The following STX2 variants were observed in gnomAD, a reference collection of about 807,000 sequenced individuals.
STX2 encodes syntaxin-2.
STX2 carries 27 observed loss-of-function variants against 40.6 expected under a neutral mutation model. The ratio of observed to expected loss-of-function variants is 0.66; its 90% CI spans 0.49 to 0.92. The LOEUF (loss-of-function observed/expected upper bound fraction) is 0.92, where lower values mean the gene tolerates loss of function less well. Among genes scored for constraint, STX2 ranks in the 40% least tolerant of loss-of-function variants. The probability of loss-of-function intolerance (pLI) is 0.00; values close to 1 mark genes in which losing one functional copy is unlikely to be tolerated. For missense variants in STX2, 328 were observed against 366.1 expected, an observed-to-expected ratio of 0.90 and a Z score of 0.85; for synonymous variants, 123 against 119.1, an observed-to-expected ratio of 1.03 and a Z score of -0.22.
At chr12:130,801,119 A>G in intron 8 of STX2, 34 bp downstream of exon 8, 2 of 1,578,492 alleles carry the variant, frequency 1.3e-6, no homozygotes, top group Non-Finnish European at 1.7e-6. Context: ...CATGACTGAT[A>G]TCTCTCTTGG....
intron 2 of STX2, among the ~76,000 whole-genome samples, chr12:130,822,581 CAT>C (rs1565929353): frequency 1.3e-5 from 2 of 152,192 alleles, no homozygotes; most frequent in East Asian, 3.9e-4. Flanking sequence ...TAGATGGAGT[CAT>C]AACATTATCT....
chr12:130,818,618 G>A (rs1331433932), intron 3 of STX2, among the ~76,000 whole-genome samples: 2 of 151,844 alleles, frequency 1.3e-5, no homozygotes, highest in African/African-American at 4.8e-5. Context: ...GATTTCCCGC[G>A]GAAAAGCACA....
In STX2 at chr12:130,801,024, C is replaced by A. The variant is rs944705911; in HGVS notation, c.675+129G>T. 37 of 1,037,824 alleles carry A rather than the reference C, an allele frequency of 3.6e-5. No individual in the cohort carries two copies. The African/African-American group carries it at 5.1e-4, about 14-fold the overall frequency. The allele number at this position is 1,037,824 out of a possible 1,614,324, so 64.3% of individuals were successfully genotyped here. A position where few individuals can be genotyped will look rare whatever the true frequency, so the allele number is the denominator to read the frequency against. On this transcript the variant is annotated intron_variant, in intron 8 of 10. Coordinates refer to ENST00000392373, the MANE Select transcript of STX2 (RefSeq NM_194356.4). ...CATTTCAGCATCACATATAACACTG[C>A]AATTAACCTGAATTTGGTGGATCCA...
rs534337417 is a variant in STX2, at chr12:130,799,757, T to C, written c.676-1122A>G. 1.5e-3 allele frequency among the ~76,000 whole-genome samples: 229 copies of C among 149,404 alleles called. 1 individual carries two copies. The highest frequency in any genetic ancestry group is 2.6e-3 in the Non-Finnish European group (176 of 67,780). On this transcript the variant is annotated intron_variant, in intron 8 of 10. Coordinates refer to ENST00000392373, the MANE Select transcript of STX2 (RefSeq NM_194356.4). ...TGAGCCCAGGAGGCAGAGGTTGCAG[T>C]GAGCCAAGATTGTACCACTGCACTC... is the stretch of plus-strand genomic sequence containing the variant.
chr12:130,809,848 T>C (rs1443612057), intron 4 of STX2, among the ~76,000 whole-genome samples: 1 of 152,012 alleles, frequency 6.6e-6, no homozygotes, highest in Non-Finnish European at 1.5e-5. Context: ...GAAAAACTAT[T>C]CAAAGCAACT....
intron 1 of STX2, among the ~76,000 whole-genome samples, chr12:130,831,529 G>A (rs77377351): frequency 0.024 from 3,607 of 152,156 alleles, 151 homozygotes; most frequent in African/African-American, 0.081. Flanking sequence ...TTAGCCAGGC[G>A]TGGTGGCTCA....
intron 3 of STX2, among the ~76,000 whole-genome samples, chr12:130,815,539 A>G (rs1951826840): frequency 6.6e-6 from 1 of 152,220 alleles, no homozygotes. Flanking sequence ...CTTACAAATA[A>G]GCCCTGTTTT....
intron 1 of STX2, among the ~76,000 whole-genome samples, chr12:130,827,874 C>T (rs867850867): frequency 6.6e-6 from 1 of 152,114 alleles, no homozygotes; most frequent in Middle Eastern, 3.2e-3. Context: ...GTGGTCCCAG[C>T]TACTTAGGAG....
In STX2 at chr12:130,791,078, A is replaced by C. The variant is rs1351493899; in HGVS notation, c.*945T>G. On this transcript the variant is annotated 3_prime_UTR_variant, in exon 11 of 11. Coordinates refer to ENST00000392373, the MANE Select transcript of STX2 (RefSeq NM_194356.4). ...ACATTAAGATGCTAATAAATTAAAC[A>C]ATTTATAAACATTTAAAATTATAGA... 4.6e-5 allele frequency: 7 copies of C among 152,286 alleles called. No individual in the cohort carries two copies. Among genetic ancestry groups the C allele is most frequent in the Non-Finnish European group, 7.3e-5 (5 of 68,042 alleles). The allele number at this position is 152,286 out of a possible 1,614,324, so 9.4% of individuals were successfully genotyped here. A position where few individuals can be genotyped will look rare whatever the true frequency, so the allele number is the denominator to read the frequency against.
chr12:130,817,286 A>G lies in STX2; in HGVS notation c.206-4255T>C, dbSNP rs531294085. Among the ~76,000 whole-genome samples the G allele has an allele frequency of 5.3e-5, 8 of 152,344 alleles. No individual in the cohort carries two copies. In the East Asian group the frequency reaches 1.5e-3, roughly 29 times the overall value. ...GACAGTATTAAAAGGAACCAAGTGGAATTCTAGGAGTTAAAACCAATCCAA... is the reference window on the plus strand; with the variant it reads ...GACAGTATTAAAAGGAACCAAGTGGGATTCTAGGAGTTAAAACCAATCCAA... On this transcript the variant is annotated intron_variant, in intron 3 of 10. Transcript: ENST00000392373.
chr12:130,798,286 G>C (rs1237439419), intron 9 of STX2: 1 of 303,282 alleles, frequency 3.3e-6, no homozygotes, highest in Non-Finnish European at 5.9e-6. Flanking sequence ...GATTACAGGC[G>C]TGCCACCACA....
chr12:130,794,388 A>G (rs1335242987), intron 10 of STX2, among the ~76,000 whole-genome samples: 1 of 152,246 alleles, frequency 6.6e-6, no homozygotes, highest in Non-Finnish European at 1.5e-5. Flanking sequence ...AGCTCCTTAC[A>G]GAGTAATTTC....
At position 130,836,162 on chromosome 12, in the gene STX2, G is replaced by A. The variant is rs181110992; in HGVS notation, c.30+2908C>T. Among the ~76,000 whole-genome samples, 1,326 of 151,658 alleles carry A rather than the reference G, an allele frequency of 8.7e-3. 11 individuals are homozygous for A. The highest frequency in any genetic ancestry group is 0.014 in the Middle Eastern group (4 of 288). On this transcript the variant is annotated intron_variant, in intron 1 of 10. Transcript: ENST00000392373. ...TTTCCTGGGGCGGGGCGGGGGAGGG[G>A]AATTAAACTTGTATCTGGTAACTTT...
intron 10 of STX2, among the ~76,000 whole-genome samples, chr12:130,795,355 A>T (rs942525032): frequency 3.2e-4 from 49 of 152,308 alleles, no homozygotes; most frequent in African/African-American, 1.2e-3. Flanking sequence ...AACTCAGGAG[A>T]CAAAACATTA....
chr12:130,831,151 T>C lies in STX2; in HGVS notation c.31-3884A>G, dbSNP rs534686266. 5.9e-5 allele frequency among the ~76,000 whole-genome samples: 9 copies of C among 152,340 alleles called. No individual in the cohort carries two copies. The South Asian group carries it at 8.3e-4, about 14-fold the overall frequency. On this transcript the variant is annotated intron_variant, in intron 1 of 10. Coordinates refer to ENST00000392373, the MANE Select transcript of STX2 (RefSeq NM_194356.4). Reference sequence around the variant, plus strand: ...TCAATAGAAGCTGAACTACCACAAATGGCAGAATCCAAAGCTGGACAGAAT... The same window carrying C: ...TCAATAGAAGCTGAACTACCACAAACGGCAGAATCCAAAGCTGGACAGAAT...
At position 130,801,158 on chromosome 12, in the gene STX2, T is replaced by A. The variant is rs755181242; in HGVS notation, c.670A>T (p.Thr224Ser). Residue 224 changes from threonine to serine, a missense_variant, in exon 8 of 11, where the codon ACT becomes TCT. Thr to Ser is a moderately conservative substitution (Grantham distance 58). Transcript: ENST00000392373. ...MFMDMAMFVETQGEMINNIER... is the reference protein window; with the variant it reads ...MFMDMAMFVESQGEMINNIER... ...ATGCAAGAGTCTGTAACTACCTGAG[T>A]CTCCACAAACATAGCCATGTCCATG... 1 of 1,610,646 alleles carries A rather than the reference T, an allele frequency of 6.2e-7. No homozygotes were observed. Among genetic ancestry groups the A allele is most frequent in the Non-Finnish European group, 8.5e-7 (1 of 1,177,722 alleles).
At position 130,812,967 on chromosome 12, in the gene STX2, G is replaced by T; in HGVS notation, c.270C>A (p.Ala90=). 1 of 1,548,270 alleles carries T rather than the reference G, an allele frequency of 6.5e-7. No homozygotes were observed. Among genetic ancestry groups the T allele is most frequent in the South Asian group, 1.3e-5 (1 of 77,918 alleles). The part of the protein sequence containing the change: ...EIKKTANKIR[A]KLKAIEQSFD... ...AAACTTCAAACTTACCCTTTAACTT[G>T]GCTCGAATTTTATTCGCAGTTTTCT... The change falls in exon 4 of 11, where the codon GCC becomes GCA. Residue 90 remains alanine (A), a synonymous_variant. Transcript: ENST00000392373.
At chr12:130,832,700 G>A (rs375469996) in intron 1 of STX2, among the ~76,000 whole-genome samples, 9 of 152,304 alleles carry the variant, frequency 5.9e-5, no homozygotes, top group Admixed American at 2.6e-4. Context: ...CCAGGCCGTG[G>A]AGACGAAGAG....
intron 1 of STX2, among the ~76,000 whole-genome samples, chr12:130,829,716 A>G (rs927522146): frequency 1.4e-4 from 22 of 152,174 alleles, no homozygotes; most frequent in Admixed American, 1.3e-4. Flanking sequence ...CCCTATGGCT[A>G]TCTGCCTTGT....
Sources: allele counts gnomAD v4.1 joint callset (sites outside exome capture counted in the v4.1 genomes callset), GRCh38; gene constraint gnomAD v4.1.1; transcripts MANE v1.5; gene names NCBI Gene and HGNC (gene_info 2026-07-23, HGNC 2026-07-21).